Variants in SYN3 observed in about 807,000 individuals in gnomAD.
SYN3 encodes the protein synapsin-3.
Under a neutral mutation model 65.8 loss-of-function variants are expected in SYN3, and 35 were observed. The observed-to-expected ratio is 0.53, with a 90% CI of 0.41 to 0.70. The LOEUF (loss-of-function observed/expected upper bound fraction) is 0.70, where lower values mean the gene tolerates loss of function less well. Among genes scored for constraint, SYN3 ranks in the 30% least tolerant of loss-of-function variants. SYN3 has a pLI of 0.00. For missense variants in SYN3, 680 were observed against 749.0 expected, an observed-to-expected ratio of 0.91 and a Z score of 1.08; for synonymous variants, 270 against 292.9, an observed-to-expected ratio of 0.92 and a Z score of 0.80.
chr22:32,896,493 T>C (rs2049597272), intron 4 of SYN3, among the ~76,000 whole-genome samples: 1 of 152,208 alleles, frequency 6.6e-6, no homozygotes, highest in Non-Finnish European at 1.5e-5. Context: ...TAGCAGCTCA[T>C]TATCATAAGA....
intron 6 of SYN3, among the ~76,000 whole-genome samples, chr22:32,713,310 T>C (rs1308873557): frequency 6.6e-6 from 1 of 152,222 alleles, no homozygotes. Context: ...GTAGGCTTTG[T>C]AGAAACTGTT....
At chr22:33,000,630 A>T (rs1046695063) in intron 2 of SYN3, among the ~76,000 whole-genome samples, 2 of 152,158 alleles carry the variant, frequency 1.3e-5, no homozygotes, top group Admixed American at 6.5e-5. Flanking sequence ...AGAAGGGTAG[A>T]AAAGGGGGCA....
intron 6 of SYN3, among the ~76,000 whole-genome samples, chr22:32,601,040 G>A (rs1037537825): frequency 3.9e-5 from 6 of 152,144 alleles, no homozygotes; most frequent in Non-Finnish European, 7.3e-5. Flanking sequence ...TTGCTGAACA[G>A]AATTGTATAT....
intron 3 of SYN3, among the ~76,000 whole-genome samples, chr22:32,977,779 CT>C (rs2052250304): frequency 6.6e-6 from 1 of 151,966 alleles, no homozygotes; most frequent in Non-Finnish European, 1.5e-5. Context: ...CTTATCGCCC[CT>C]GGAAACTGAC....
rs1419554112 is a variant in SYN3, at chr22:32,508,675, G to A, written c.*5017C>T. On this transcript the variant is annotated 3_prime_UTR_variant, in exon 14 of 14. Transcript: ENST00000358763. Reference sequence around the variant, plus strand: ...TTTGTTTGATTCTGTTCCTGGGCAAGTGACTTCCATATATTGATACTCTTA... The same window carrying A: ...TTTGTTTGATTCTGTTCCTGGGCAAATGACTTCCATATATTGATACTCTTA... 6.6e-6 allele frequency among the ~76,000 whole-genome samples: 1 copy of A among 152,200 alleles called. No individual in the cohort carries two copies. Among genetic ancestry groups the A allele is most frequent in the African/African-American group, 2.4e-5 (1 of 41,436 alleles).
chr22:32,544,407 C>G (rs1016787096), intron 7 of SYN3, among the ~76,000 whole-genome samples: 1 of 152,206 alleles, frequency 6.6e-6, no homozygotes, highest in Non-Finnish European at 1.5e-5. Flanking sequence ...CACTGTCTAT[C>G]TCTACATCTT....
intron 6 of SYN3, among the ~76,000 whole-genome samples, chr22:32,652,620 T>G (rs2060089000): frequency 6.6e-6 from 1 of 152,072 alleles, no homozygotes; most frequent in African/African-American, 2.4e-5. Flanking sequence ...AGCAGCTCAA[T>G]TCTATGAAGC....
intron 1 of SYN3, among the ~76,000 whole-genome samples, chr22:33,050,478 T>TC (rs2054145765): frequency 1.5e-5 from 1 of 65,292 alleles, no homozygotes; most frequent in African/African-American, 7.6e-5. Flanking sequence ...CGAGACTGTT[T>TC]CAAAAAAAAA....
chr22:32,996,560 G>C (rs894784441), intron 2 of SYN3, among the ~76,000 whole-genome samples: 19 of 152,084 alleles, frequency 1.2e-4, no homozygotes, highest in African/African-American at 4.6e-4. Context: ...TGTCAGCCTA[G>C]AGTTCTCTTG....
intron 6 of SYN3, among the ~76,000 whole-genome samples, chr22:32,671,499 G>A (rs1192482982): frequency 2.6e-5 from 4 of 151,374 alleles, no homozygotes; most frequent in Non-Finnish European, 5.9e-5. Context: ...TGTCGCACAG[G>A]TGCACACACG....
intron 7 of SYN3, among the ~76,000 whole-genome samples, chr22:32,589,165 A>G (rs1249396029): frequency 6.6e-6 from 1 of 152,170 alleles, no homozygotes; most frequent in Non-Finnish European, 1.5e-5. Flanking sequence ...GTTTTCTCCT[A>G]CCACTGGTTT....
At chr22:33,012,896 C>T (rs1410211099) in intron 1 of SYN3, among the ~76,000 whole-genome samples, 1 of 152,218 alleles carries the variant, frequency 6.6e-6, no homozygotes, top group Non-Finnish European at 1.5e-5. Context: ...CTTCAAGGGT[C>T]AAATCCTGTC....
intron 6 of SYN3, among the ~76,000 whole-genome samples, chr22:32,637,724 G>T (rs1223307423): frequency 7.3e-6 from 1 of 137,354 alleles, no homozygotes; most frequent in African/African-American, 2.8e-5. Context: ...TGCAACTTCT[G>T]CTTCCAAGGC....
intron 6 of SYN3, chr22:32,861,316 A>G (rs1356021802): frequency 6.6e-6 from 1 of 152,226 alleles, no homozygotes; most frequent in Non-Finnish European, 1.5e-5. Context: ...ATTACCGTGT[A>G]CCTTTCCCAT....
In SYN3 at chr22:33,058,285, C is replaced by T. The variant is rs1032345212; in HGVS notation, c.-163+7G>A. On this transcript the variant is annotated splice_region_variant and intron_variant, in intron 1 of 13. Transcript: ENST00000358763. ...CAAAGTCTACTTTGCGGCGCCGCGC[C>T]GCTTACCGTGCGAGCCGCCAGGAAC... 3 of 151,848 alleles carry T rather than the reference C, an allele frequency of 2.0e-5. No individual in the cohort carries two copies. Among genetic ancestry groups the T allele is most frequent in the Non-Finnish European group, 4.4e-5 (3 of 67,862 alleles). 9.4% of individuals were successfully genotyped at this position (151,848 alleles called of 1,614,324 possible).
chr22:33,006,634 T>G lies in SYN3; in HGVS notation c.29A>C (p.Asp10Ala). 1 of 1,595,894 alleles carries G rather than the reference T, an allele frequency of 6.3e-7. No homozygotes were observed. The highest frequency in any genetic ancestry group is 2.2e-5 in the East Asian group (1 of 44,650). The change falls in exon 2 of 14, where the codon GAC becomes GCC. Residue 10 changes from aspartate to alanine, a missense_variant. By Grantham distance (126) the Asp-to-Ala change is moderately radical (BLOSUM62 -2). Coordinates refer to ENST00000358763, the MANE Select transcript of SYN3 (RefSeq NM_003490.4). MNFLRRRLSDSSFMANLPNG... is the reference protein window; with the variant it reads MNFLRRRLSASSFMANLPNG... ...AGGCAGGTTGGCCATGAAGCTGCTG[T>G]CAGAGAGACGTCGCCGGAGGAAATT...
At chr22:32,766,459 T>C (rs930841931) in intron 6 of SYN3, among the ~76,000 whole-genome samples, 3 of 152,248 alleles carry the variant, frequency 2.0e-5, no homozygotes, top group East Asian at 1.9e-4. Context: ...CCATCTTTTA[T>C]AGATGAGGGA....
intron 3 of SYN3, among the ~76,000 whole-genome samples, chr22:32,964,691 C>T (rs1043306375): frequency 7.2e-5 from 11 of 152,046 alleles, no homozygotes; most frequent in African/African-American, 2.4e-4. Flanking sequence ...TGCTGAAGGA[C>T]GAAATATGTT....
chr22:32,968,298 A>C (rs1323354244), intron 3 of SYN3, among the ~76,000 whole-genome samples: 1 of 152,120 alleles, frequency 6.6e-6, no homozygotes, highest in Non-Finnish European at 1.5e-5. Context: ...TGTGCCTCCT[A>C]CCCAAGCATC....
Sources: allele counts gnomAD v4.1 joint callset (sites outside exome capture counted in the v4.1 genomes callset), GRCh38; gene constraint gnomAD v4.1.1; transcripts MANE v1.5; gene names NCBI Gene and HGNC (gene_info 2026-07-23, HGNC 2026-07-21).